BARD1: variants seen among roughly 807,000 people sequenced by gnomAD.
The protein encoded by BARD1 is BRCA1-associated RING domain protein 1.
BARD1 carries 73 observed loss-of-function variants against 77.0 expected under a neutral mutation model. The observed-to-expected ratio is 0.95, with a 90% CI of 0.79 to 1.15. The LOEUF (loss-of-function observed/expected upper bound fraction) is 1.15. BARD1 is among the 50% of genes most tolerant of loss of function. The pLI is 0.00. For missense variants in BARD1, 993 were observed against 938.8 expected (o/e 1.06, Z -0.75); for synonymous variants, 384 against 338.0 (o/e 1.14, Z -1.49).
intron 6 of BARD1, among the ~76,000 whole-genome samples, chr2:214,757,827 G>A (rs541217591): frequency 6.6e-6 from 1 of 152,226 alleles, no homozygotes; most frequent in South Asian, 2.1e-4. Context: ...ACCTGAAAGG[G>A]TAAGGAAGAA....
At chr2:214,782,092 T>C (rs565950084) in intron 3 of BARD1, among the ~76,000 whole-genome samples, 20 of 152,272 alleles carry the variant, frequency 1.3e-4, no homozygotes, top group Middle Eastern at 3.4e-3. Context: ...TCATACTATA[T>C]GACTTCAAAA....
chr2:214,789,167 T>C (rs917461191), intron 3 of BARD1, among the ~76,000 whole-genome samples: 2 of 152,168 alleles, frequency 1.3e-5, no homozygotes, highest in Non-Finnish European at 2.9e-5. Flanking sequence ...AGAAGGTCTA[T>C]GAATGCATAG....
At chr2:214,764,790 A>G (rs1320882240) in intron 6 of BARD1, among the ~76,000 whole-genome samples, 1 of 152,244 alleles carries the variant, frequency 6.6e-6, no homozygotes, top group Non-Finnish European at 1.5e-5. Flanking sequence ...GGAGGAGAAC[A>G]GTCAGGAAAT....
chr2:214,728,523 A>C lies in BARD1; in HGVS notation c.*153T>G. ...AATGGTAAACATAACATGAATTCCT[A>C]ATCTGGCATTAGACTTTTTTTTTTT... On this transcript the variant is annotated 3_prime_UTR_variant, in exon 11 of 11. Transcript: ENST00000260947. The C allele has an allele frequency of 1.4e-6, 1 of 689,710 alleles. No homozygotes were observed. The highest frequency in any genetic ancestry group is 2.3e-6 in the Non-Finnish European group (1 of 432,662). 42.7% of individuals were successfully genotyped at this position (689,710 alleles called of 1,614,324 possible). A position where few individuals can be genotyped will look rare whatever the true frequency, so the allele number is the denominator to read the frequency against.
At chr2:214,729,907 A>G (rs577938307) in intron 10 of BARD1, among the ~76,000 whole-genome samples, 5 of 152,264 alleles carry the variant, frequency 3.3e-5, no homozygotes, top group Admixed American at 6.5e-5. Flanking sequence ...ACGGGGCACA[A>G]AAGATTTTTG....
rs925630376 is a variant in BARD1 at position 214,801,855 on chromosome 2, G to GT, written c.159-4739_159-4738insA. Among the ~76,000 whole-genome samples, 5 of 149,260 alleles carry GT rather than the reference G, an allele frequency of 3.3e-5. 1 individual carries two copies. The highest frequency in any genetic ancestry group is 6.0e-5 in the Non-Finnish European group (4 of 67,128). On this transcript the variant is annotated intron_variant, in intron 1 of 10. Coordinates refer to ENST00000260947, the MANE Select transcript of BARD1 (RefSeq NM_000465.4). ...TTGAAAACCAAATATTTGGCGGGGG[G>GT]GGGGGTTGTTTTTGTTTTTTTTAAA...
chr2:214,738,439 C>A (rs1031491948), intron 9 of BARD1, among the ~76,000 whole-genome samples: 3 of 152,046 alleles, frequency 2.0e-5, no homozygotes, highest in African/African-American at 7.2e-5. Flanking sequence ...AATTCCAGGG[C>A]TACAACACTT....
rs573012637 is a variant in BARD1 at position 214,792,194 on chromosome 2, C to G, written c.364+103G>C. The stretch of plus-strand genomic sequence containing the variant: ...CCTACAGATTTTAAAATCTGAAATA[C>G]GTATTCCAGAACTCCAGATAGATGT... On this transcript the variant is annotated intron_variant, in intron 3 of 10. Transcript: ENST00000260947. 1.1e-5 allele frequency: 10 copies of G among 893,044 alleles called. No individual in the cohort carries two copies. The African/African-American group carries it at 1.5e-4, about 13-fold the overall frequency. The allele number at this position is 893,044 out of a possible 1,614,324, so 55.3% of individuals were successfully genotyped here. A position where few individuals can be genotyped will look rare whatever the true frequency, so the allele number is the denominator to read the frequency against.
intron 5 of BARD1, 118 bp from the exon 6 acceptor site, chr2:214,767,772 C>T (rs1269938481): frequency 5.5e-6 from 5 of 908,894 alleles, no homozygotes; most frequent in Non-Finnish European, 8.4e-6. Flanking sequence ...TTTATTGTTA[C>T]CTAAATACTC....
Position 214,728,626 on chromosome 2 carries a change from C to G in BARD1, c.*50G>C. On this transcript the variant is annotated 3_prime_UTR_variant, in exon 11 of 11. Transcript: ENST00000260947. ...CATTAAAAACAGTACAATGACTGGGCTCTCACAAACCGTGCAAATTCAATT... is the reference window on the plus strand; with the variant it reads ...CATTAAAAACAGTACAATGACTGGGGTCTCACAAACCGTGCAAATTCAATT... 1 of 1,563,756 alleles carries G rather than the reference C, an allele frequency of 6.4e-7. No individual in the cohort carries two copies. The highest frequency in any genetic ancestry group is 8.8e-7 in the Non-Finnish European group (1 of 1,138,562).
At chr2:214,792,925 G>C (rs1270415627) in intron 2 of BARD1, among the ~76,000 whole-genome samples, 1 of 152,092 alleles carries the variant, frequency 6.6e-6, no homozygotes, top group African/African-American at 2.4e-5. Flanking sequence ...AAAACCTGTA[G>C]ACTCAATTAC....
intron 9 of BARD1, among the ~76,000 whole-genome samples, chr2:214,743,592 A>T (rs547523848): frequency 2.8e-4 from 42 of 151,068 alleles, no homozygotes; most frequent in African/African-American, 8.0e-4. Flanking sequence ...CTAGTTATTT[A>T]TTTTTTTTTG....
intron 1 of BARD1, among the ~76,000 whole-genome samples, chr2:214,807,571 TA>T (rs1696331254): frequency 6.6e-6 from 1 of 152,186 alleles, no homozygotes; most frequent in Non-Finnish European, 1.5e-5. Context: ...GTTTCTTCCA[TA>T]AAAGCTCCCT....
intron 9 of BARD1, among the ~76,000 whole-genome samples, chr2:214,743,380 TAAAG>T (rs1303722517): frequency 1.3e-5 from 2 of 152,224 alleles, no homozygotes; most frequent in Admixed American, 6.5e-5. Flanking sequence ...AGTTGCTTCA[TAAAG>T]AGTTTCAATA....
rs869312496 is a variant in BARD1 at position 214,806,098 on chromosome 2, T to C, written c.158+3314A>G. On this transcript the variant is annotated intron_variant, in intron 1 of 10. Transcript: ENST00000260947. ...CTGGTTGTGAGGCTTGGTCCTAATA[T>C]AAATGTCACATCTGGCCTCTTGAAC... Among the ~76,000 whole-genome samples the C allele has an allele frequency of 1.3e-5, 2 of 152,208 alleles. No homozygotes were observed. The highest frequency in any genetic ancestry group is 2.9e-5 in the Non-Finnish European group (2 of 68,036).
At chr2:214,761,653 A>T (rs192419413) in intron 6 of BARD1, among the ~76,000 whole-genome samples, 2 of 152,166 alleles carry the variant, frequency 1.3e-5, no homozygotes, top group African/African-American at 4.8e-5. Context: ...AAACAAAAAA[A>T]GTATAAGATC....
intron 4 of BARD1, among the ~76,000 whole-genome samples, chr2:214,771,460 T>C (rs974731087): frequency 2.6e-5 from 4 of 152,136 alleles, no homozygotes; most frequent in African/African-American, 7.2e-5. Flanking sequence ...CCAGACGTGG[T>C]GGCTCACACC....
rs1559409440 is a variant in BARD1, at chr2:214,767,469, T to C, written c.1568+13A>G. ...GTCCATTTTAAAAATAATTTTTACG[T>C]TGAACTACTTACACAGCATTTCTGG... is the stretch of plus-strand genomic sequence containing the variant. On this transcript the variant is annotated intron_variant, in intron 6 of 10. Transcript: ENST00000260947. 9 of 1,611,258 alleles carry C rather than the reference T, an allele frequency of 5.6e-6. No individual in the cohort carries two copies. The highest frequency in any genetic ancestry group is 2.2e-5 in the East Asian group (1 of 44,850).
At chr2:214,808,273 A>G (rs143614317) in intron 1 of BARD1, among the ~76,000 whole-genome samples, 2,650 of 152,252 alleles carry the variant, frequency 0.017, 36 homozygotes, top group South Asian at 0.074. Flanking sequence ...GCCGGGCATG[A>G]TGGCGGGCGC....
Sources: allele counts gnomAD v4.1 joint callset (sites outside exome capture counted in the v4.1 genomes callset), GRCh38; gene constraint gnomAD v4.1.1; transcripts MANE v1.5; gene names NCBI Gene and HGNC (gene_info 2026-07-23, HGNC 2026-07-21).